PTPRT: variants seen among roughly 807,000 people sequenced by gnomAD.
PTPRT encodes the protein receptor-type tyrosine-protein phosphatase T.
A neutral mutation model predicts 176.8 loss-of-function variants in PTPRT; 56 were observed. The ratio of observed to expected loss-of-function variants is 0.32; its 90% CI spans 0.26 to 0.40. The LOEUF (loss-of-function observed/expected upper bound fraction) is 0.40. Ranked by LOEUF, PTPRT falls within the 10% of genes least tolerant of loss-of-function variation. PTPRT has a pLI of 1.00. For synonymous variants in PTPRT, 783 were observed against 739.0 expected, an observed-to-expected ratio of 1.06 and a Z score of -0.96; for missense variants, 1,540 against 1,908.2, an observed-to-expected ratio of 0.81 and a Z score of 3.60.
At chr20:42,534,292 G>A (rs2072436802) in intron 7 of PTPRT, among the ~76,000 whole-genome samples, 1 of 152,194 alleles carries the variant, frequency 6.6e-6, no homozygotes, top group African/African-American at 2.4e-5. Flanking sequence ...AGCAGACAGT[G>A]TGTGTGGATT....
intron 29 of PTPRT, among the ~76,000 whole-genome samples, chr20:42,083,343 G>A (rs1399577331): frequency 8.5e-5 from 13 of 152,148 alleles, no homozygotes; most frequent in Admixed American, 8.5e-4. Flanking sequence ...CTGGGCATCT[G>A]GAGGCAGCAG....
intron 9 of PTPRT, among the ~76,000 whole-genome samples, chr20:42,445,942 A>C (rs2070725252): frequency 6.6e-6 from 1 of 152,182 alleles, no homozygotes; most frequent in Non-Finnish European, 1.5e-5. Context: ...AGTCTAACTC[A>C]CAGTTGTGTT....
intron 9 of PTPRT, among the ~76,000 whole-genome samples, chr20:42,355,930 C>A (rs1027362730): frequency 1.3e-5 from 2 of 152,174 alleles, no homozygotes; most frequent in Non-Finnish European, 2.9e-5. Context: ...CTCTCCTAAC[C>A]TTTCCTGGTA....
At chr20:42,331,547 A>C (rs2145436545) in intron 11 of PTPRT, among the ~76,000 whole-genome samples, 1 of 152,300 alleles carries the variant, frequency 6.6e-6, no homozygotes, top group Non-Finnish European at 1.5e-5. Flanking sequence ...AGGCATACTT[A>C]TTTGCCAGAT....
chr20:42,440,765 CCA>C, intron 9 of PTPRT, among the ~76,000 whole-genome samples: 1 of 152,368 alleles, frequency 6.6e-6, no homozygotes, highest in East Asian at 1.9e-4. Flanking sequence ...GCGTGAGCCA[CCA>C]TGCCCGGCCT....
intron 1 of PTPRT, among the ~76,000 whole-genome samples, chr20:42,950,064 G>A (rs141520420): frequency 2.0e-4 from 31 of 152,260 alleles, no homozygotes; most frequent in Admixed American, 1.4e-3. Flanking sequence ...GCAGCAAAGC[G>A]GTACTGCAAG....
At chr20:42,563,078 TAA>T (rs2072979430) in intron 7 of PTPRT, among the ~76,000 whole-genome samples, 1 of 152,062 alleles carries the variant, frequency 6.6e-6, no homozygotes, top group Non-Finnish European at 1.5e-5. Flanking sequence ...CATCTCTATA[TAA>T]AAAGAGTATA....
At chr20:43,158,656 C>T (rs1039594352) in intron 1 of PTPRT, among the ~76,000 whole-genome samples, 6 of 152,168 alleles carry the variant, frequency 3.9e-5, no homozygotes, top group Non-Finnish European at 7.3e-5. Flanking sequence ...CTGCAAGGCA[C>T]CCCAAGGGGT....
In PTPRT at chr20:42,735,790, C is replaced by A. The variant is rs535467193; in HGVS notation, c.859+20672G>T. ...GCTTCTCGTGCCTCTCTGTGGGTCG[C>A]CCATACCCTAGCATTTGCTCCGTTG... On this transcript the variant is annotated intron_variant, in intron 6 of 30. Coordinates refer to ENST00000373187, the MANE Select transcript of PTPRT (RefSeq NM_007050.6). 4.6e-5 allele frequency among the ~76,000 whole-genome samples: 7 copies of A among 152,102 alleles called. No individual in the cohort carries two copies. The South Asian group carries it at 1.5e-3, about 32-fold the overall frequency.
intron 1 of PTPRT, among the ~76,000 whole-genome samples, chr20:43,059,718 C>T (rs1469203297): frequency 1.3e-5 from 2 of 152,188 alleles, no homozygotes; most frequent in South Asian, 2.1e-4. Flanking sequence ...GTGACTCATG[C>T]CTGTAATCCC....
At chr20:43,141,420 T>C (rs748789645) in intron 1 of PTPRT, among the ~76,000 whole-genome samples, 2 of 152,194 alleles carry the variant, frequency 1.3e-5, no homozygotes, top group South Asian at 2.1e-4. Flanking sequence ...AACCGGGCCA[T>C]GTATGTCAAC....
At chr20:42,611,684 C>T (rs1440104341) in intron 7 of PTPRT, among the ~76,000 whole-genome samples, 1 of 152,210 alleles carries the variant, frequency 6.6e-6, no homozygotes, top group African/African-American at 2.4e-5. Flanking sequence ...TCTATCCAAA[C>T]TCACCTTCCT....
At chr20:42,278,073 C>CTATATATATATATA (rs777694770) in intron 13 of PTPRT, among the ~76,000 whole-genome samples, 1 of 39,240 alleles carries the variant, frequency 2.5e-5, no homozygotes, top group Non-Finnish European at 5.3e-5. Flanking sequence ...TGTAAGTAGA[C>CTATATATATATATA]TATATATATA....
At chr20:42,867,818 A>G (rs539093917) in intron 2 of PTPRT, among the ~76,000 whole-genome samples, 1 of 151,346 alleles carries the variant, frequency 6.6e-6, no homozygotes, top group Non-Finnish European at 1.5e-5. Flanking sequence ...AGAAGCTGGG[A>G]TTACAGGTGC....
chr20:43,098,599 G>T (rs936692935), intron 1 of PTPRT, among the ~76,000 whole-genome samples: 2 of 147,196 alleles, frequency 1.4e-5, no homozygotes, highest in African/African-American at 2.5e-5. Flanking sequence ...AGATTTCACC[G>T]AAGAACCAGC....
At position 42,309,647 on chromosome 20, in the gene PTPRT, G is replaced by T. The variant is rs534028533; in HGVS notation, c.2139+6076C>A. 2.6e-5 allele frequency among the ~76,000 whole-genome samples: 4 copies of T among 152,256 alleles called. No homozygotes were observed. In the South Asian group the frequency reaches 8.3e-4, roughly 32 times the overall value. On this transcript the variant is annotated intron_variant, in intron 12 of 30. Transcript: ENST00000373187. Reference sequence around the variant, plus strand: ...TTAATCCTCAAACAGACTGTGTGAAGTATATATTACTATTTCAATTTATAA... The same window carrying T: ...TTAATCCTCAAACAGACTGTGTGAATTATATATTACTATTTCAATTTATAA...
intron 1 of PTPRT, among the ~76,000 whole-genome samples, chr20:43,087,503 A>C (rs946219870): frequency 6.6e-6 from 1 of 151,600 alleles, no homozygotes; most frequent in African/African-American, 2.4e-5. Flanking sequence ...GGCTGGGATT[A>C]CAGGCATGTG....
chr20:42,699,057 G>A (rs980116318), intron 6 of PTPRT, among the ~76,000 whole-genome samples: 27 of 152,164 alleles, frequency 1.8e-4, no homozygotes, highest in Non-Finnish European at 4.4e-5. Context: ...AAGAAATCTA[G>A]TCTCATGATG....
Position 42,190,711 on chromosome 20 carries a change from C to T in PTPRT, c.2491+8529G>A, listed in dbSNP as rs577002360. On this transcript the variant is annotated intron_variant, in intron 16 of 30. Coordinates refer to ENST00000373187, the MANE Select transcript of PTPRT (RefSeq NM_007050.6). ...AACAAGTTCCCAGGAGATGCTGATGCTGCTGTTCTGGAGATCATGCTTCAA... is the reference window on the plus strand; with the variant it reads ...AACAAGTTCCCAGGAGATGCTGATGTTGCTGTTCTGGAGATCATGCTTCAA... Among the ~76,000 whole-genome samples the T allele has an allele frequency of 3.9e-5, 6 of 152,310 alleles. No individual in the cohort carries two copies. The South Asian group carries it at 1.2e-3, about 32-fold the overall frequency.
Sources: gnomAD v4.1 joint callset for allele counts (sites outside exome capture counted in the v4.1 genomes callset) on GRCh38, gnomAD v4.1.1 for gene constraint, MANE v1.5 for transcripts, NCBI Gene and HGNC (gene_info 2026-07-23, HGNC 2026-07-21) for gene names.